CLIC4: variants seen among roughly 807,000 people sequenced by gnomAD.
The protein encoded by CLIC4 is CLIC family member 4.
A neutral mutation model predicts 24.6 loss-of-function variants in CLIC4; 13 were observed. The ratio of observed to expected loss-of-function variants is 0.53; its 90% CI spans 0.34 to 0.84. The LOEUF (loss-of-function observed/expected upper bound fraction) is 0.84, where lower values mean the gene tolerates loss of function less well. CLIC4 is among the 40% of genes least tolerant of loss of function. The probability of loss-of-function intolerance (pLI) is 0.01; values close to 1 mark genes in which losing one functional copy is unlikely to be tolerated. For missense variants in CLIC4, 227 were observed against 301.7 expected, an observed-to-expected ratio of 0.75 and a Z score of 1.83; for synonymous variants, 104 against 111.3, an observed-to-expected ratio of 0.93 and a Z score of 0.41.
chr1:24,761,016 C>T (rs1273226573), intron 1 of CLIC4, among the ~76,000 whole-genome samples: 1 of 152,020 alleles, frequency 6.6e-6, no homozygotes, highest in Non-Finnish European at 1.5e-5. Flanking sequence ...TGGGAAGTTG[C>T]TGGATTCTGG....
chr1:24,830,824 T>G (rs1639832684), intron 4 of CLIC4, among the ~76,000 whole-genome samples: 1 of 152,202 alleles, frequency 6.6e-6, no homozygotes, highest in Non-Finnish European at 1.5e-5. Flanking sequence ...AGAATAATAG[T>G]GCTACTTATT....
At chr1:24,816,710 G>A (rs1221090117) in intron 3 of CLIC4, among the ~76,000 whole-genome samples, 1 of 152,190 alleles carries the variant, frequency 6.6e-6, no homozygotes, top group Non-Finnish European at 1.5e-5. Context: ...TGTTGTGTTA[G>A]CAGGCATGAA....
chr1:24,762,098 C>G (rs560954411), intron 1 of CLIC4, among the ~76,000 whole-genome samples: 1 of 152,012 alleles, frequency 6.6e-6, no homozygotes, highest in African/African-American at 2.4e-5. Context: ...ATATGACATA[C>G]ACACACACAT....
chr1:24,812,936 C>T (rs1475145621), intron 2 of CLIC4, among the ~76,000 whole-genome samples: 3 of 151,864 alleles, frequency 2.0e-5, no homozygotes, highest in African/African-American at 7.3e-5. Flanking sequence ...CCAGGAGGGT[C>T]TCAATCTCTT....
intron 1 of CLIC4, among the ~76,000 whole-genome samples, chr1:24,766,526 C>T (rs1251916849): frequency 7.5e-5 from 6 of 80,370 alleles, no homozygotes; most frequent in South Asian, 5.0e-4. Flanking sequence ...TTTTTTGAGA[C>T]GGGGTCTCAC....
chr1:24,816,288 G>A (rs1422230332), intron 3 of CLIC4, among the ~76,000 whole-genome samples: 2 of 126,920 alleles, frequency 1.6e-5, no homozygotes, highest in African/African-American at 6.2e-5. Flanking sequence ...CGCCCAGGCT[G>A]GAGTGCAGTG....
rs1161025896 is a variant in CLIC4, at chr1:24,767,049, GAAAA to G, written c.72+21426_72+21429del. 2.7e-5 allele frequency among the ~76,000 whole-genome samples: 3 copies of G among 111,902 alleles called. No homozygotes were observed. In the East Asian group the frequency reaches 8.0e-4, roughly 30 times the overall value. The allele number at this position is 111,902 out of a possible 152,430, so 73.4% of individuals were successfully genotyped here. A position where few individuals can be genotyped will look rare whatever the true frequency, so the allele number is the denominator to read the frequency against. ...TAAAAAAAAAAAAAAAAAAAAAAAA[GAAAA>G]AGAAAAGAAAAACCAAAAAAACCTT... On this transcript the variant is annotated intron_variant, in intron 1 of 5. Transcript: ENST00000374379.
intron 4 of CLIC4, among the ~76,000 whole-genome samples, chr1:24,839,270 C>T (rs1639915113): frequency 6.6e-6 from 1 of 152,030 alleles, no homozygotes; most frequent in Non-Finnish European, 1.5e-5. Context: ...ATGTGTTGGA[C>T]CATTTGTGTT....
chr1:24,771,434 G>A (rs1013400418), intron 1 of CLIC4, among the ~76,000 whole-genome samples: 6 of 152,178 alleles, frequency 3.9e-5, no homozygotes, highest in South Asian at 2.1e-4. Flanking sequence ...TCAAGGATAA[G>A]GGATTATTTT....
chr1:24,827,118 T>TA lies in CLIC4; in HGVS notation c.415+8dup, dbSNP rs1356033562. The TA allele has an allele frequency of 2.5e-6, 4 of 1,584,064 alleles. No individual in the cohort carries two copies. The highest frequency in any genetic ancestry group is 2.2e-5 in the East Asian group (1 of 44,528). On this transcript the variant is annotated splice_region_variant and intron_variant, in intron 4 of 5. Coordinates refer to ENST00000374379, the MANE Select transcript of CLIC4 (RefSeq NM_013943.3). The stretch of plus-strand genomic sequence containing the variant: ...ATTCAAGGCCAGAGGCTAATGAAGG[T>TA]AAAAAACAAAAACTTGAATTAACAT...
chr1:24,763,240 T>C (rs549418879), intron 1 of CLIC4, among the ~76,000 whole-genome samples: 1 of 152,160 alleles, frequency 6.6e-6, no homozygotes, highest in African/African-American at 2.4e-5. Context: ...TTTGTTGGTC[T>C]CTACTAAAGA....
intron 3 of CLIC4, among the ~76,000 whole-genome samples, chr1:24,818,977 TG>T (rs1375187387): frequency 6.6e-6 from 1 of 151,960 alleles, no homozygotes; most frequent in Non-Finnish European, 1.5e-5. Flanking sequence ...TATGTATATT[TG>T]GGGGAGACTT....
intron 1 of CLIC4, among the ~76,000 whole-genome samples, chr1:24,748,108 G>A (rs571804017): frequency 6.6e-6 from 1 of 152,024 alleles, no homozygotes; most frequent in South Asian, 2.1e-4. Context: ...GCTAATCAAA[G>A]AAGACAAGAA....
At chr1:24,767,444 C>T (rs1225721035) in intron 1 of CLIC4, among the ~76,000 whole-genome samples, 2 of 152,170 alleles carry the variant, frequency 1.3e-5, no homozygotes, top group Non-Finnish European at 2.9e-5. Flanking sequence ...GTGGTTTCAA[C>T]CTTCAGGATT....
rs745795159 is a variant in CLIC4, at chr1:24,745,587, G to A, written c.34G>A (p.Glu12Lys). 1 of 1,591,716 alleles carries A rather than the reference G, an allele frequency of 6.3e-7. No individual in the cohort carries two copies. The highest frequency in any genetic ancestry group is 2.3e-5 in the East Asian group (1 of 43,298). The change falls in exon 1 of 6, where the codon GAG becomes AAG. Residue 12 changes from glutamate to lysine, a missense_variant. Physicochemically the swap from Glu to Lys is moderately conservative, Grantham distance 56. Transcript: ENST00000374379. ...ALSMPLNGLKEEDKEPLIELF... is the reference protein window; with the variant it reads ...ALSMPLNGLKKEDKEPLIELF... The stretch of plus-strand genomic sequence containing the variant: ...GTCGATGCCGCTGAATGGGCTGAAG[G>A]AGGAGGACAAAGAGCCCCTCATCGA...
chr1:24,814,715 T>A (rs887923126), intron 3 of CLIC4, among the ~76,000 whole-genome samples: 3 of 152,236 alleles, frequency 2.0e-5, no homozygotes, highest in Non-Finnish European at 4.4e-5. Flanking sequence ...TTTACTTACT[T>A]CTTTGAGGTG....
chr1:24,762,162 A>ATAGT (rs1638934129), intron 1 of CLIC4, among the ~76,000 whole-genome samples: 1 of 152,216 alleles, frequency 6.6e-6, no homozygotes, highest in African/African-American at 2.4e-5. Context: ...TCACACCTAT[A>ATAGT]ATCCCAGCAC....
intron 1 of CLIC4, among the ~76,000 whole-genome samples, chr1:24,776,171 T>TTC (rs140069244): frequency 4.0e-5 from 6 of 151,740 alleles, no homozygotes; most frequent in Admixed American, 1.3e-4. Flanking sequence ...CCTGTGCTGG[T>TTC]TCTCTCTCTC....
intron 2 of CLIC4, among the ~76,000 whole-genome samples, chr1:24,799,747 TG>T: frequency 1.1e-5 from 1 of 88,988 alleles, no homozygotes; most frequent in South Asian, 4.1e-4. Context: ...GGGAGGGAGG[TG>T]GGGGGGTCAG....
Sources: gnomAD v4.1 joint callset for allele counts (sites outside exome capture counted in the v4.1 genomes callset) on GRCh38, gnomAD v4.1.1 for gene constraint, MANE v1.5 for transcripts, NCBI Gene and HGNC (gene_info 2026-07-23, HGNC 2026-07-21) for gene names.